CIT: variants seen among roughly 807,000 people sequenced by gnomAD.
CIT encodes citron rho-interacting serine/threonine kinase.
CIT carries 79 observed loss-of-function variants against 272.7 expected under a neutral mutation model. The observed-to-expected ratio is 0.29, with a 90% CI of 0.24 to 0.35. CIT has a LOEUF of 0.35. CIT is among the 10% of genes least tolerant of loss of function. CIT has a pLI of 1.00. For missense variants in CIT, 1,909 were observed against 2,618.3 expected (o/e 0.73, Z 5.91); for synonymous variants, 948 against 995.6 (o/e 0.95, Z 0.90).
Position 119,857,558 on chromosome 12 carries a change from C to T in CIT, c.379G>A (p.Val127Met). 6 of 1,614,210 alleles carry T rather than the reference C, an allele frequency of 3.7e-6. No homozygotes were observed. Among genetic ancestry groups the T allele is most frequent in the Non-Finnish European group, 5.1e-6 (6 of 1,180,034 alleles). ...KATGDIYAMKVMKKKALLAQE... is the reference protein window; with the variant it reads ...KATGDIYAMKMMKKKALLAQE... ...GCCAATAAAGCCTTCTTCTTCATCA[C>T]TTTCATAGCATAGATGTCCCCGGTT... Residue 127 changes from valine to methionine, a missense_variant, in exon 4 of 48, where the codon GTG (valine) becomes ATG (methionine). Physicochemically the swap from Val to Met is conservative, Grantham distance 21. This residue lies in a region of CIT where 529 missense variants were observed against 549.6 expected (regional missense o/e 0.96). Coordinates refer to ENST00000392521, the MANE Select transcript of CIT (RefSeq NM_001206999.2).
At position 119,803,191 on chromosome 12, in the gene CIT, C is replaced by T. The variant is rs1966354178; in HGVS notation, c.1295+15G>A. The T allele has an allele frequency of 1.6e-6, 2 of 1,237,646 alleles. No individual in the cohort carries two copies. The highest frequency in any genetic ancestry group is 3.0e-5 in the South Asian group (2 of 67,394). 76.7% of individuals were successfully genotyped at this position (1,237,646 alleles called of 1,614,324 possible). On this transcript the variant is annotated intron_variant, in intron 10 of 47. Coordinates refer to ENST00000392521, the MANE Select transcript of CIT (RefSeq NM_001206999.2). ...ATCAATGCAGGTCCCTTTAGAAAGT[C>T]AAATTTTCACTTACTCAGATCTACC...
Position 119,834,214 on chromosome 12 carries a change from C to T in CIT, c.531G>A (p.Gln177=), listed in dbSNP as rs1968843187. Residue 177 remains glutamine, a synonymous_variant, in exon 6 of 48, where the codon CAG becomes CAA. Transcript: ENST00000392521. The part of the protein sequence containing the change: ...KNHLYLVMEY[Q]PGGDLLSLLN... ...AAAGTGACAGCAAGTCCCCTCCAGG[C>T]TGATATTCCATGACCTGTATAGAAT... 1.9e-6 allele frequency: 3 copies of T among 1,610,946 alleles called. No homozygotes were observed. In the South Asian group the frequency reaches 3.3e-5, roughly 18 times the overall value.
rs184190152 is a variant in CIT, at chr12:119,694,234, C to G, written c.5882+3425G>C. On this transcript the variant is annotated intron_variant, in intron 46 of 47. Coordinates refer to ENST00000392521, the MANE Select transcript of CIT (RefSeq NM_001206999.2). The surrounding 1 kb of genome is among the most constrained non-coding windows in gnomAD (Gnocchi z 4.5). Reference sequence around the variant, plus strand: ...TCCACATCAGCCATCACCCATTCACCCACACTTTTCTAGGAATTTATCCTA... The same window carrying G: ...TCCACATCAGCCATCACCCATTCACGCACACTTTTCTAGGAATTTATCCTA... Among the ~76,000 whole-genome samples, 4 of 152,120 alleles carry G rather than the reference C, an allele frequency of 2.6e-5. No individual in the cohort carries two copies. The highest frequency in any genetic ancestry group is 5.9e-5 in the Non-Finnish European group (4 of 68,034).
In CIT at chr12:119,734,255, C is replaced by A. The variant is rs1399513576; in HGVS notation, c.3259G>T (p.Ala1087Ser). Residue 1087 changes from alanine to serine, a missense_variant, in exon 26 of 48, where the codon GCC becomes TCC. This residue lies in a region of CIT where 530 missense variants were observed against 822.4 expected (regional missense o/e 0.64). Transcript: ENST00000392521. ...TCATCACCCAGGACGCTCCTCCAGG[C>A]CTCCCACTGCCGCTCTTTTTCTAGC... ...ELLEKERQWE[A>S]WRSVLGDEKS... 6.2e-7 allele frequency: 1 copy of A among 1,614,048 alleles called. No homozygotes were observed. Among genetic ancestry groups the A allele is most frequent in the Non-Finnish European group, 8.5e-7 (1 of 1,180,010 alleles).
At chr12:119,763,597 G>T (rs2137523139) in intron 19 of CIT, among the ~76,000 whole-genome samples, 1 of 152,260 alleles carries the variant, frequency 6.6e-6, no homozygotes, top group African/African-American at 2.4e-5. Context: ...GGGTGGTGAT[G>T]GTGATGATGC....
At chr12:119,857,776 AG>A in intron 3 of CIT, 78 bp from the exon 4 acceptor site, 1 of 1,310,038 alleles carries the variant, frequency 7.6e-7, no homozygotes, top group East Asian at 2.3e-5. Flanking sequence ...AAAAAAAAAA[AG>A]AAAATAGCAT....
At chr12:119,748,726 T>C (rs991357336) in intron 23 of CIT, among the ~76,000 whole-genome samples, 3 of 152,248 alleles carry the variant, frequency 2.0e-5, no homozygotes, top group African/African-American at 7.2e-5. Context: ...CTTTCATTAG[T>C]GTCTCTAGCT....
At position 119,690,803 on chromosome 12, in the gene CIT, G is replaced by A. The variant is rs11064877; in HGVS notation, c.5883-349C>T. 6.0e-3 allele frequency among the ~76,000 whole-genome samples: 914 copies of A among 152,324 alleles called. 55 individuals carry two copies. In the East Asian group the frequency reaches 0.14, roughly 23 times the overall value. On this transcript the variant is annotated intron_variant, in intron 46 of 47. Transcript: ENST00000392521. This position sits in a 1 kb window ranked among gnomAD's most constrained non-coding sequence, Gnocchi z 6.0. ...GAACAAGCATGACCCTCACTGTACAGGCAAGAAAATGGGGACAGACAGGAG... is the reference window on the plus strand; with the variant it reads ...GAACAAGCATGACCCTCACTGTACAAGCAAGAAAATGGGGACAGACAGGAG...
rs139159900 is a variant in CIT at position 119,867,218 on chromosome 12, C to G, written c.238+1842G>C. Among the ~76,000 whole-genome samples, 404 of 151,704 alleles carry G rather than the reference C, an allele frequency of 2.7e-3. 3 individuals are homozygous for G. Among genetic ancestry groups the G allele is most frequent in the Non-Finnish European group, 4.7e-3 (316 of 67,926 alleles). Reference sequence around the variant, plus strand: ...CTTTTTTTTTTTTTTAAGACAGAGTCTCACTCATTGCCCAAGCTGGAGTGC... The same window carrying G: ...CTTTTTTTTTTTTTTAAGACAGAGTGTCACTCATTGCCCAAGCTGGAGTGC... On this transcript the variant is annotated intron_variant, in intron 3 of 47. Coordinates refer to ENST00000392521, the MANE Select transcript of CIT (RefSeq NM_001206999.2).
intron 24 of CIT, among the ~76,000 whole-genome samples, chr12:119,740,442 A>G (rs1959003205): frequency 6.6e-6 from 1 of 152,204 alleles, no homozygotes; most frequent in Non-Finnish European, 1.5e-5. Flanking sequence ...AATAATAACA[A>G]AATTCATTAT....
intron 23 of CIT, among the ~76,000 whole-genome samples, chr12:119,745,398 A>AAAAAAAAAAAAAC (rs1372544069): frequency 2.1e-5 from 3 of 145,084 alleles, no homozygotes; most frequent in Non-Finnish European, 4.5e-5. Context: ...AAAAAAAAAA[A>AAAAAAAAAAAAAC]CACCTGTCCA....
intron 43 of CIT, 115 bp from the exon 44 acceptor site, chr12:119,700,940 A>C (rs1956526133): frequency 1.4e-6 from 1 of 733,674 alleles, no homozygotes; most frequent in Non-Finnish European, 2.3e-6. Flanking sequence ...GCCAGATGGG[A>C]CTGACTGTGA....
intron 10 of CIT, among the ~76,000 whole-genome samples, chr12:119,789,480 A>G (rs562297879): frequency 3.9e-4 from 60 of 152,304 alleles, no homozygotes; most frequent in African/African-American, 1.4e-3. Context: ...GTTAAAATAT[A>G]CCATTTCCAT....
At chr12:119,766,142 T>C (rs115780248) in intron 19 of CIT, among the ~76,000 whole-genome samples, 1,780 of 152,190 alleles carry the variant, frequency 0.012, 43 homozygotes, top group African/African-American at 0.04. Flanking sequence ...ACCTAGGTGA[T>C]TGGTTGATCT....
chr12:119,702,847 T>C (rs1956668698), intron 41 of CIT, among the ~76,000 whole-genome samples: 1 of 152,138 alleles, frequency 6.6e-6, no homozygotes, highest in Non-Finnish European at 1.5e-5. Context: ...TTCTTTTTGC[T>C]AGCTTCTAAG....
At chr12:119,766,728 A>G (rs1196187808) in intron 19 of CIT, among the ~76,000 whole-genome samples, 2 of 152,178 alleles carry the variant, frequency 1.3e-5, no homozygotes, top group African/African-American at 4.8e-5. Flanking sequence ...GTATCAAAAC[A>G]TCTCATGTAC....
In CIT at chr12:119,713,168, C is replaced by G. The variant is rs370952157; in HGVS notation, c.4579+35G>C. The G allele has an allele frequency of 2.6e-6, 4 of 1,548,206 alleles. No individual in the cohort carries two copies. Among genetic ancestry groups the G allele is most frequent in the Non-Finnish European group, 3.6e-6 (4 of 1,123,474 alleles). ...GCACTGGGGAGACCTGGGTTAGCCACGTGCAATGACCTTCCCCCTGAATTA... is the reference window on the plus strand; with the variant it reads ...GCACTGGGGAGACCTGGGTTAGCCAGGTGCAATGACCTTCCCCCTGAATTA... On this transcript the variant is annotated intron_variant, in intron 35 of 47. Coordinates refer to ENST00000392521, the MANE Select transcript of CIT (RefSeq NM_001206999.2). This position sits in a 1 kb window ranked among gnomAD's most constrained non-coding sequence, Gnocchi z 5.2.
chr12:119,685,975 T>A lies in CIT; in HGVS notation c.*2257A>T, dbSNP rs545117394. On this transcript the variant is annotated 3_prime_UTR_variant, in exon 48 of 48. Transcript: ENST00000392521. ...ATGCTAATAAGCTTTTGACAGCAAT[T>A]TCGTGTTACGGTATATCCTGCTGGC... is the stretch of plus-strand genomic sequence containing the variant. 5.2e-5 allele frequency: 8 copies of A among 152,666 alleles called. No homozygotes were observed. Among genetic ancestry groups the A allele is most frequent in the African/African-American group, 1.9e-4 (8 of 41,550 alleles). The allele number at this position is 152,666 out of a possible 1,614,324, so 9.5% of individuals were successfully genotyped here. A position where few individuals can be genotyped will look rare whatever the true frequency, so the allele number is the denominator to read the frequency against.
chr12:119,719,642 TTGAGACAAC>T (rs1957728034), intron 30 of CIT, among the ~76,000 whole-genome samples: 1 of 152,202 alleles, frequency 6.6e-6, no homozygotes, highest in Non-Finnish European at 1.5e-5. Context: ...ACCGGAAATA[TTGAGACAAC>T]TGTCAACTTC....
Sources: gnomAD v4.1 joint callset for allele counts (sites outside exome capture counted in the v4.1 genomes callset) on GRCh38, gnomAD v4.1.1 for gene constraint, gnomAD v4.1.1 regional missense constraint, Gnocchi (gnomAD v3.1) non-coding constraint, MANE v1.5 for transcripts, NCBI Gene and HGNC (gene_info 2026-07-23, HGNC 2026-07-21) for gene names.